The following KIF1B variants were observed in gnomAD, a reference collection of about 807,000 sequenced individuals.
KIF1B encodes kinesin family member 1B.
Under a neutral mutation model 241.9 loss-of-function variants are expected in KIF1B, and 76 were observed. The observed-to-expected ratio is 0.31, with a 90% CI of 0.26 to 0.38. The LOEUF (loss-of-function observed/expected upper bound fraction) is 0.38. Among genes scored for constraint, KIF1B ranks in the 10% least tolerant of loss-of-function variants. The probability of loss-of-function intolerance (pLI) is 1.00; values close to 1 mark genes in which losing one functional copy is unlikely to be tolerated. For missense variants in KIF1B, 1,622 were observed against 2,271.4 expected (o/e 0.71, Z 5.81); for synonymous variants, 750 against 796.7 (o/e 0.94, Z 0.99).
At chr1:10,270,858 G>A (rs540394509) in intron 7 of KIF1B, among the ~76,000 whole-genome samples, 2 of 151,598 alleles carry the variant, frequency 1.3e-5, no homozygotes. Context: ...CCCAGGAGGT[G>A]GAGGTTGCAG....
intron 27 of KIF1B, among the ~76,000 whole-genome samples, chr1:10,331,054 A>G (rs1651903158): frequency 6.6e-6 from 1 of 150,760 alleles, no homozygotes; most frequent in African/African-American, 2.4e-5. Flanking sequence ...TGAGATCAGG[A>G]GTTTGAGACC....
chr1:10,349,186 C>T (rs892503742), intron 37 of KIF1B, among the ~76,000 whole-genome samples: 2 of 152,082 alleles, frequency 1.3e-5, no homozygotes, highest in African/African-American at 4.8e-5. Context: ...TGCCTGTAAT[C>T]CCAGCACTTT....
chr1:10,215,829 A>G (rs1432734598), intron 1 of KIF1B, among the ~76,000 whole-genome samples: 1 of 152,210 alleles, frequency 6.6e-6, no homozygotes, highest in Non-Finnish European at 1.5e-5. Context: ...GATTAAAGGC[A>G]TGAGCCCCTG....
chr1:10,344,472 C>CTACATGTGCCTCT (rs1557727036), intron 34 of KIF1B, among the ~76,000 whole-genome samples: 1 of 152,210 alleles, frequency 6.6e-6, no homozygotes, highest in African/African-American at 2.4e-5. Context: ...AGCAGCTTCT[C>CTACATGTGCCTCT]TACATGTGCC....
chr1:10,318,676 G>A (rs1004059898), intron 22 of KIF1B, among the ~76,000 whole-genome samples: 7 of 152,100 alleles, frequency 4.6e-5, no homozygotes, highest in South Asian at 4.2e-4. Context: ...CCAAGATTGC[G>A]CCATTGCACT....
chr1:10,306,327 T>C, intron 22 of KIF1B: 1 of 1,047,814 alleles, frequency 9.5e-7, no homozygotes, highest in Non-Finnish European at 1.2e-6. Flanking sequence ...TGAATGTACT[T>C]GATAGGCTGC....
chr1:10,262,281 C>T (rs1648194808), intron 5 of KIF1B, among the ~76,000 whole-genome samples: 1 of 152,066 alleles, frequency 6.6e-6, no homozygotes, highest in Non-Finnish European at 1.5e-5. Context: ...TCTCAAGTAG[C>T]TGGGACAACA....
At chr1:10,304,116 T>C (rs764032858) in intron 22 of KIF1B, 1 of 1,613,930 alleles carries the variant, frequency 6.2e-7, no homozygotes, top group Non-Finnish European at 8.5e-7. Context: ...CTGGGACACA[T>C]ATCATCATAA....
Position 10,371,764 on chromosome 1 carries a change from C to T in KIF1B, c.4946+502C>T, listed in dbSNP as rs117043417. 1.3e-4 allele frequency among the ~76,000 whole-genome samples: 20 copies of T among 152,062 alleles called. No individual in the cohort carries two copies. The East Asian group carries it at 3.9e-3, about 30-fold the overall frequency. ...GCTGGGCAACATAGCGATATGCTGT[C>T]TCTACAAAAAATAAATAAGATACCC... On this transcript the variant is annotated intron_variant, in intron 45 of 48. Transcript: ENST00000676179.
chr1:10,352,639 C>T lies in KIF1B; in HGVS notation c.3958C>T (p.Arg1320Trp), dbSNP rs764473301. ...DVRELVVGRI[R>W]NKPEVDEAAV... ...TTTATCCTTTCTTTTAGGTCGTATTCGGAATAAGCCTGAGGTGGATGAAGC... is the reference window on the plus strand; with the variant it reads ...TTTATCCTTTCTTTTAGGTCGTATTTGGAATAAGCCTGAGGTGGATGAAGC... Residue 1320 changes from arginine to tryptophan, a missense_variant, in exon 38 of 49, where the codon CGG becomes TGG. By Grantham distance (101) the Arg-to-Trp change is moderately radical. Transcript: ENST00000676179. The T allele has an allele frequency of 2.5e-6, 4 of 1,612,836 alleles. No homozygotes were observed. The East Asian group carries it at 8.9e-5, about 36-fold the overall frequency.
intron 1 of KIF1B, among the ~76,000 whole-genome samples, chr1:10,215,159 TATATATATA>T (rs1235841354): frequency 2.4e-4 from 17 of 70,302 alleles, no homozygotes; most frequent in African/African-American, 1.4e-3. Context: ...TATATATATA[TATATATATA>T]TATATTTTTT....
chr1:10,326,082 T>C lies in KIF1B; in HGVS notation c.2676-29T>C. 1.2e-6 allele frequency: 2 copies of C among 1,613,536 alleles called. No homozygotes were observed. Among genetic ancestry groups the C allele is most frequent in the Non-Finnish European group, 1.7e-6 (2 of 1,180,020 alleles). The stretch of plus-strand genomic sequence containing the variant: ...CCAACTATTCCTCTCTCCCTGGCTG[T>C]GTTAATTGGCGTCTTACCTGGTGTC... On this transcript the variant is annotated intron_variant, in intron 26 of 48. Coordinates refer to ENST00000676179, the MANE Select transcript of KIF1B (RefSeq NM_001365951.3). The surrounding 1 kb of genome is among the most constrained non-coding windows in gnomAD (Gnocchi z 5.2).
chr1:10,359,992 C>A (rs562996774), intron 38 of KIF1B, among the ~76,000 whole-genome samples: 125 of 152,028 alleles, frequency 8.2e-4, no homozygotes, highest in Middle Eastern at 6.8e-3. Context: ...GAGATTGCGC[C>A]ACTGCACTCC....
chr1:10,229,427 G>A (rs922847940), intron 1 of KIF1B, among the ~76,000 whole-genome samples: 1 of 152,272 alleles, frequency 6.6e-6, no homozygotes, highest in Non-Finnish European at 1.5e-5. Flanking sequence ...AGGTACTGTT[G>A]TAAGTGCTAG....
At chr1:10,295,837 G>A (rs1350440453) in intron 19 of KIF1B, 71 bp downstream of exon 19, 15 of 1,275,664 alleles carry the variant, frequency 1.2e-5, no homozygotes, top group African/African-American at 1.5e-5. Context: ...TTAAGACTTT[G>A]TATTCTCTGT....
chr1:10,333,034 A>T (rs1161812399), intron 27 of KIF1B, among the ~76,000 whole-genome samples: 40 of 134,356 alleles, frequency 3.0e-4, no homozygotes, highest in African/African-American at 1.1e-3. Flanking sequence ...CTGGTCTCGA[A>T]CTCCTGGCCT....
chr1:10,376,425 C>A, intron 48 of KIF1B, 120 bp from the exon 49 acceptor site: 1 of 959,212 alleles, frequency 1.0e-6, no homozygotes, highest in South Asian at 1.3e-5. Flanking sequence ...GCTTAGAGGA[C>A]TAGGCCTGCG....
chr1:10,322,471 C>T (rs1651561611), intron 24 of KIF1B, among the ~76,000 whole-genome samples: 1 of 152,168 alleles, frequency 6.6e-6, no homozygotes, highest in South Asian at 2.1e-4. Flanking sequence ...TGGTAAAAGG[C>T]AATAAATGTT....
At chr1:10,218,971 T>G (rs1646804316) in intron 1 of KIF1B, among the ~76,000 whole-genome samples, 1 of 152,138 alleles carries the variant, frequency 6.6e-6, no homozygotes, top group South Asian at 2.1e-4. Flanking sequence ...AAAAACTAAA[T>G]GTATAGGTTG....
Sources: gnomAD v4.1 joint callset for allele counts (sites outside exome capture counted in the v4.1 genomes callset) on GRCh38, gnomAD v4.1.1 for gene constraint, Gnocchi (gnomAD v3.1) non-coding constraint, MANE v1.5 for transcripts, NCBI Gene and HGNC (gene_info 2026-07-23, HGNC 2026-07-21) for gene names.